AQR: variants seen among roughly 807,000 people sequenced by gnomAD.
The protein encoded by AQR is aquarius intron-binding spliceosomal factor, also known as RNA helicase aquarius.
Under a neutral mutation model 180.5 loss-of-function variants are expected in AQR, and 61 were observed. The observed-to-expected ratio is 0.34, with a 90% CI of 0.28 to 0.42. The LOEUF is 0.42. Ranked by LOEUF, AQR falls within the 10% of genes least tolerant of loss-of-function variation. AQR has a pLI of 1.00. For missense variants in AQR, 1,281 were observed against 1,798.3 expected, an observed-to-expected ratio of 0.71 and a Z score of 5.20; for synonymous variants, 551 against 588.8, an observed-to-expected ratio of 0.94 and a Z score of 0.93.
chr15:34,883,393 T>C (rs1433130100), intron 26 of AQR, among the ~76,000 whole-genome samples: 1 of 152,134 alleles, frequency 6.6e-6, no homozygotes, highest in African/African-American at 2.4e-5. Flanking sequence ...ATATTACACA[T>C]ATAGGTGAGG....
chr15:34,917,400 GCATATACT>G (rs1248261256), intron 15 of AQR, among the ~76,000 whole-genome samples: 1 of 152,094 alleles, frequency 6.6e-6, no homozygotes, highest in Admixed American at 6.5e-5. Context: ...ATGCACTTTT[GCATATACT>G]CAGTTGTGGC....
chr15:34,927,198 A>C, intron 12 of AQR, 60 bp from the exon 13 acceptor site: 1 of 939,878 alleles, frequency 1.1e-6, no homozygotes. Context: ...ATAAACATCT[A>C]CTATTTAAGA....
At chr15:34,949,784 TTATCTC>T (rs765495248) in intron 4 of AQR, among the ~76,000 whole-genome samples, 158 of 144,022 alleles carry the variant, frequency 1.1e-3, no homozygotes, top group Admixed American at 1.7e-3. Flanking sequence ...TAGTGAGACC[TTATCTC>T]TATTAAAAAA....
chr15:34,934,127 A>C (rs1893908658), intron 10 of AQR, among the ~76,000 whole-genome samples: 1 of 151,894 alleles, frequency 6.6e-6, no homozygotes, highest in Non-Finnish European at 1.5e-5. Context: ...ACCCCATCTC[A>C]AAGAAAAGAA....
intron 4 of AQR, among the ~76,000 whole-genome samples, chr15:34,951,402 G>A (rs531316910): frequency 2.0e-5 from 3 of 152,090 alleles, no homozygotes; most frequent in East Asian, 1.9e-4. Flanking sequence ...AGCTGGGTGC[G>A]GTGGCTCATG....
intron 5 of AQR, among the ~76,000 whole-genome samples, chr15:34,946,998 G>A (rs573817610): frequency 9.8e-5 from 15 of 152,300 alleles, no homozygotes; most frequent in African/African-American, 1.9e-4. Flanking sequence ...CCACCACCCC[G>A]TCTGGGAGGT....
chr15:34,889,333 A>AT (rs1893107104), intron 24 of AQR, among the ~76,000 whole-genome samples: 1 of 152,358 alleles, frequency 6.6e-6, no homozygotes, highest in South Asian at 2.1e-4. Context: ...AGAACTCAAA[A>AT]TAGATGCACA....
chr15:34,949,799 A>G (rs1409287220), intron 4 of AQR, among the ~76,000 whole-genome samples: 3 of 142,018 alleles, frequency 2.1e-5, no homozygotes, highest in African/African-American at 8.6e-5. Context: ...TCTATTAAAA[A>G]AAAAAAAAAA....
chr15:34,956,592 C>T (rs1894320296), intron 3 of AQR, among the ~76,000 whole-genome samples: 1 of 150,314 alleles, frequency 6.7e-6, no homozygotes, highest in Non-Finnish European at 1.5e-5. Context: ...GCGGAGGTGG[C>T]AGTGAGCTGA....
At chr15:34,861,570 T>C (rs1892671819) in intron 33 of AQR, among the ~76,000 whole-genome samples, 1 of 152,172 alleles carries the variant, frequency 6.6e-6, no homozygotes, top group Admixed American at 6.6e-5. Flanking sequence ...CATGTAGCCC[T>C]TACATAGAAA....
chr15:34,917,075 C>T (rs937348252), intron 15 of AQR, among the ~76,000 whole-genome samples: 1 of 152,028 alleles, frequency 6.6e-6, no homozygotes, highest in Admixed American at 6.6e-5. Context: ...TTATAGCAAT[C>T]GCTATCTTGA....
rs9806719 is a variant in AQR at position 34,944,753 on chromosome 15, C to T, written c.331-325G>A. ...TTAAGGATCTGAAGTGTTTTAATTT[C>T]TCTGATTTAAACAAAAGAAACTACA... On this transcript the variant is annotated intron_variant, in intron 5 of 34. Coordinates refer to ENST00000156471, the MANE Select transcript of AQR (RefSeq NM_014691.3). Among the ~76,000 whole-genome samples, 1,066 of 152,234 alleles carry T rather than the reference C, an allele frequency of 7.0e-3. 10 individuals carry two copies. Among genetic ancestry groups the T allele is most frequent in the African/African-American group, 0.023 (943 of 41,550 alleles).
intron 5 of AQR, among the ~76,000 whole-genome samples, chr15:34,947,525 T>TA: frequency 6.9e-6 from 1 of 144,286 alleles, no homozygotes; most frequent in African/African-American, 2.6e-5. Context: ...ATAATAATAA[T>TA]AATAATAATA....
At chr15:34,897,158 G>A (rs536783922) in intron 21 of AQR, among the ~76,000 whole-genome samples, 192 bp from the exon 22 acceptor site, 3 of 152,114 alleles carry the variant, frequency 2.0e-5, no homozygotes, top group South Asian at 4.2e-4. Flanking sequence ...GTTATTTTTC[G>A]GGACTTAGCC....
In AQR at chr15:34,881,994, C is replaced by T. The variant is rs192921122; in HGVS notation, c.3165+508G>A. On this transcript the variant is annotated intron_variant, in intron 27 of 34. Coordinates refer to ENST00000156471, the MANE Select transcript of AQR (RefSeq NM_014691.3). ...CTAGTTTTTGTATTTTTAATAGAGA[C>T]GGGGTTTCACCATGCTGGCCAGGCT... 9.2e-5 allele frequency among the ~76,000 whole-genome samples: 14 copies of T among 152,062 alleles called. No homozygotes were observed. In the East Asian group the frequency reaches 1.2e-3, roughly 13 times the overall value.
intron 30 of AQR, 63 bp downstream of exon 30, chr15:34,873,765 G>T: frequency 7.3e-7 from 1 of 1,377,350 alleles, no homozygotes; most frequent in South Asian, 1.8e-5. Context: ...AAGTATCACT[G>T]ATTTAGGCAT....
intron 14 of AQR, among the ~76,000 whole-genome samples, chr15:34,919,879 C>G (rs1048078153): frequency 2.0e-5 from 3 of 151,694 alleles, no homozygotes; most frequent in African/African-American, 4.9e-5. Context: ...GCCTGGGCGA[C>G]AGAGAGAGAC....
intron 4 of AQR, among the ~76,000 whole-genome samples, chr15:34,952,599 T>C (rs1894250135): frequency 6.6e-6 from 1 of 152,232 alleles, no homozygotes; most frequent in South Asian, 2.1e-4. Context: ...CACACTCTAA[T>C]TTATTTCCAC....
intron 2 of AQR, among the ~76,000 whole-genome samples, chr15:34,962,746 G>T (rs915142299): frequency 6.6e-6 from 1 of 151,250 alleles, no homozygotes; most frequent in East Asian, 1.9e-4. Context: ...TCCAAACTGG[G>T]TGACAAGAGC....
Sources: gnomAD v4.1 joint callset for allele counts (sites outside exome capture counted in the v4.1 genomes callset) on GRCh38, gnomAD v4.1.1 for gene constraint, MANE v1.5 for transcripts, NCBI Gene and HGNC (gene_info 2026-07-23, HGNC 2026-07-21) for gene names.